The following FDFT1 variants were observed in gnomAD, a reference collection of about 807,000 sequenced individuals.
FDFT1 encodes squalene synthase.
FDFT1 carries 68 observed loss-of-function variants against 46.8 expected under a neutral mutation model. The observed-to-expected ratio is 1.45, with a 90% CI of 1.19 to 1.78. The LOEUF (loss-of-function observed/expected upper bound fraction) is 1.78, where lower values mean the gene tolerates loss of function less well. Among genes scored for constraint, FDFT1 ranks in the 40% most tolerant of loss-of-function variants. The probability of loss-of-function intolerance (pLI) is 0.00; values close to 1 mark genes in which losing one functional copy is unlikely to be tolerated. For synonymous variants in FDFT1, 351 were observed against 185.1 expected (o/e 1.90, Z -7.28); for missense variants, 928 against 524.4 (o/e 1.77, Z -7.52).
At position 11,830,261 on chromosome 8, in the gene FDFT1, TAAG is replaced by T; in HGVS notation, c.724_726del (p.Lys242del). On this transcript the variant is annotated inframe_deletion, in exon 6 of 8. Transcript: ENST00000220584. ...CTGTCTAGGTTTGGAGCAGGTATGT[TAAG>T]AAGTTAGGGGATTTTGCTAAGCCGG... 4 of 1,613,972 alleles carry T rather than the reference TAAG, an allele frequency of 2.5e-6. No homozygotes were observed. Among genetic ancestry groups the T allele is most frequent in the Non-Finnish European group, 3.4e-6 (4 of 1,179,848 alleles).
At chr8:11,806,023 G>T (rs1337332134) in intron 1 of FDFT1, among the ~76,000 whole-genome samples, 3 of 152,112 alleles carry the variant, frequency 2.0e-5, no homozygotes, top group African/African-American at 7.2e-5. Flanking sequence ...CAAGTTTGTG[G>T]TTTTTTTCCC....
At chr8:11,817,062 G>A (rs1024690004) in intron 3 of FDFT1, among the ~76,000 whole-genome samples, 1 of 152,190 alleles carries the variant, frequency 6.6e-6, no homozygotes. Context: ...CTAGTTTACT[G>A]AGAGTTTTTA....
rs1252468648 is a variant in FDFT1 at position 11,838,436 on chromosome 8, C to G, written c.1081C>G (p.Gln361Glu). 8.7e-6 allele frequency: 14 copies of G among 1,611,800 alleles called. No homozygotes were observed. The highest frequency in any genetic ancestry group is 3.4e-6 in the Non-Finnish European group (4 of 1,179,118). Residue 361 changes from glutamine (Q) to glutamate (E), a missense_variant, in exon 8 of 8, where the codon CAG becomes GAG. Transcript: ENST00000220584. The part of the protein sequence containing the change: ...DSDPSSSKTR[Q>E]IISTIRTQNL... Reference sequence around the variant, plus strand: ...AGACCCATCTTCTAGCAAAACAAGGCAGATCATCTCCACCATCCGGACGCA... The same window carrying G: ...AGACCCATCTTCTAGCAAAACAAGGGAGATCATCTCCACCATCCGGACGCA...
chr8:11,835,856 G>A (rs1030518313), intron 7 of FDFT1, among the ~76,000 whole-genome samples: 5 of 150,740 alleles, frequency 3.3e-5, no homozygotes, highest in African/African-American at 1.2e-4. Context: ...AAATGTCACC[G>A]AGCATGGTGG....
chr8:11,812,098 A>G (rs1807796816), intron 3 of FDFT1, among the ~76,000 whole-genome samples: 1 of 152,208 alleles, frequency 6.6e-6, no homozygotes, highest in Non-Finnish European at 1.5e-5. Flanking sequence ...GACTGGGGCA[A>G]GTGAAACTCC....
upstream of FDFT1, among the ~76,000 whole-genome samples, chr8:11,798,991 G>C (rs1423260065): frequency 1.3e-5 from 2 of 152,356 alleles, no homozygotes; most frequent in Non-Finnish European, 2.9e-5. Flanking sequence ...GCTTTATGCT[G>C]ACTGGGTTGG....
intron 7 of FDFT1, among the ~76,000 whole-genome samples, chr8:11,834,683 G>A (rs1021873163): frequency 6.6e-6 from 1 of 152,214 alleles, no homozygotes; most frequent in Non-Finnish European, 1.5e-5. Context: ...TTTAAATGAT[G>A]ATCAAGCTGA....
intron 1 of FDFT1, among the ~76,000 whole-genome samples, chr8:11,806,349 GTGT>G (rs1205458225): frequency 6.6e-6 from 1 of 152,130 alleles, no homozygotes; most frequent in Non-Finnish European, 1.5e-5. Context: ...TTTTTAGTGA[GTGT>G]TGTTTTCCAT....
At chr8:11,837,601 T>C (rs1811720290) in intron 7 of FDFT1, among the ~76,000 whole-genome samples, 1 of 152,014 alleles carries the variant, frequency 6.6e-6, no homozygotes, top group South Asian at 2.1e-4. Flanking sequence ...GTGCAGTAGG[T>C]CTGGACCATG....
At chr8:11,807,644 G>A (rs1807035219) in intron 1 of FDFT1, among the ~76,000 whole-genome samples, 1 of 152,208 alleles carries the variant, frequency 6.6e-6, no homozygotes, top group African/African-American at 2.4e-5. Context: ...TGATATGCTT[G>A]CATTTAAAAT....
chr8:11,818,558 A>T (rs934678781), intron 3 of FDFT1, among the ~76,000 whole-genome samples: 1 of 152,232 alleles, frequency 6.6e-6, no homozygotes, highest in Non-Finnish European at 1.5e-5. Flanking sequence ...TATTGGGTAC[A>T]TATATGTTTA....
chr8:11,817,578 C>T (rs1333576128), intron 3 of FDFT1, among the ~76,000 whole-genome samples: 1 of 152,160 alleles, frequency 6.6e-6, no homozygotes, highest in African/African-American at 2.4e-5. Flanking sequence ...TCAACTTCTT[C>T]CTGGTTTAGT....
At chr8:11,824,484 C>G (rs73547802) in intron 4 of FDFT1, among the ~76,000 whole-genome samples, 3 of 152,274 alleles carry the variant, frequency 2.0e-5, no homozygotes, top group African/African-American at 7.2e-5. Context: ...GAACTCTTAG[C>G]CCCTGCCACA....
chr8:11,802,721 C>A, upstream of FDFT1: 2 of 820,610 alleles, frequency 2.4e-6, no homozygotes, highest in South Asian at 1.6e-5. Flanking sequence ...TAGGCCTGCC[C>A]CCTGTCCGGC....
At position 11,838,468 on chromosome 8, in the gene FDFT1, T is replaced by A. The variant is rs964834142; in HGVS notation, c.1113T>A (p.Leu371=). Residue 371 remains leucine (L), a synonymous_variant, in exon 8 of 8, where the codon CTT becomes CTA. Coordinates refer to ENST00000220584, the MANE Select transcript of FDFT1 (RefSeq NM_004462.5). ...TCTCCACCATCCGGACGCAGAATCT[T>A]CCCAACTGTCAGCTGATTTCCCGAA... is the stretch of plus-strand genomic sequence containing the variant. ...QIISTIRTQN[L]PNCQLISRSH... 4 of 1,606,940 alleles carry A rather than the reference T, an allele frequency of 2.5e-6. No homozygotes were observed. The highest frequency in any genetic ancestry group is 3.4e-6 in the Non-Finnish European group (4 of 1,175,878).
chr8:11,804,454 A>G (rs1053596971), intron 1 of FDFT1, among the ~76,000 whole-genome samples: 2 of 152,064 alleles, frequency 1.3e-5, no homozygotes, highest in African/African-American at 2.4e-5. Context: ...CTCTGATAAT[A>G]TGGTGCAGTA....
chr8:11,834,207 CT>C (rs1295584414), intron 7 of FDFT1, among the ~76,000 whole-genome samples: 1 of 152,186 alleles, frequency 6.6e-6, no homozygotes, highest in Admixed American at 6.5e-5. Context: ...TTCTCCAGTG[CT>C]TAGTGGGGGC....
chr8:11,802,790 C>G lies in FDFT1; in HGVS notation c.-43C>G. On this transcript the variant is annotated 5_prime_UTR_variant, in exon 1 of 8. Coordinates refer to ENST00000220584, the MANE Select transcript of FDFT1 (RefSeq NM_004462.5). ...CCGGCCGGTGAGCGCCTGGGGACCG[C>G]AGAGGTGAGAGTCGCGCCCGGGAGT... The G allele has an allele frequency of 6.7e-7, 1 of 1,502,426 alleles. No individual in the cohort carries two copies. Among genetic ancestry groups the G allele is most frequent in the Non-Finnish European group, 9.2e-7 (1 of 1,091,462 alleles). The allele number at this position is 1,502,426 out of a possible 1,614,324, so 93.1% of individuals were successfully genotyped here. A position where few individuals can be genotyped will look rare whatever the true frequency, so the allele number is the denominator to read the frequency against.
In FDFT1 at chr8:11,802,886, C is replaced by G; in HGVS notation, c.54C>G (p.Arg18=). 1 of 1,612,272 alleles carries G rather than the reference C, an allele frequency of 6.2e-7. No individual in the cohort carries two copies. Among genetic ancestry groups the G allele is most frequent in the Non-Finnish European group, 8.5e-7 (1 of 1,179,126 alleles). The part of the protein sequence containing the change: ...GHPEEFYNLV[R]FRIGGKRKVM... ...CCGAAGAGTTCTACAACCTGGTGCGCTTCCGGATCGGGGGCAAGCGGAAGG... is the reference window on the plus strand; with the variant it reads ...CCGAAGAGTTCTACAACCTGGTGCGGTTCCGGATCGGGGGCAAGCGGAAGG... Residue 18 remains arginine (R), a synonymous_variant, in exon 1 of 8, where the codon CGC becomes CGG. Coordinates refer to ENST00000220584, the MANE Select transcript of FDFT1 (RefSeq NM_004462.5).
Sources: allele counts gnomAD v4.1 joint callset (sites outside exome capture counted in the v4.1 genomes callset), GRCh38; gene constraint gnomAD v4.1.1; transcripts MANE v1.5; gene names NCBI Gene and HGNC (gene_info 2026-07-23, HGNC 2026-07-21).